CACNA2D1: variants seen among roughly 807,000 people sequenced by gnomAD.
The protein encoded by CACNA2D1 is calcium voltage-gated channel auxiliary subunit alpha2delta 1.
CACNA2D1 carries 53 observed loss-of-function variants against 171.5 expected under a neutral mutation model. The observed-to-expected ratio is 0.31, with a 90% CI of 0.25 to 0.39. The LOEUF is 0.39. CACNA2D1 is among the 10% of genes least tolerant of loss of function. CACNA2D1 has a pLI of 1.00. For missense variants in CACNA2D1, 903 were observed against 1,299.8 expected, an observed-to-expected ratio of 0.69 and a Z score of 4.69; for synonymous variants, 442 against 443.1, an observed-to-expected ratio of 1.00 and a Z score of 0.03.
At chr7:82,128,214 A>C (rs1323057713) in intron 5 of CACNA2D1, among the ~76,000 whole-genome samples, 2 of 151,906 alleles carry the variant, frequency 1.3e-5, no homozygotes, top group African/African-American at 2.4e-5. Flanking sequence ...ACAGGTGTGC[A>C]CCACAACGCC....
intron 3 of CACNA2D1, among the ~76,000 whole-genome samples, chr7:82,217,390 C>CATATATATATATATATATATATATATAT (rs1199331212): frequency 1.8e-5 from 1 of 54,446 alleles, no homozygotes; most frequent in Non-Finnish European, 3.0e-5. Flanking sequence ...CACACACACA[C>CATATATATATATATATATATATATATAT]ATACATATAT....
chr7:82,194,787 C>A (rs542845227), intron 3 of CACNA2D1, among the ~76,000 whole-genome samples: 133 of 151,836 alleles, frequency 8.8e-4, no homozygotes, highest in African/African-American at 3.1e-3. Flanking sequence ...GGAAAACCTA[C>A]GATAAGAAAT....
chr7:82,083,006 C>A (rs1809988804), intron 7 of CACNA2D1, among the ~76,000 whole-genome samples: 1 of 151,768 alleles, frequency 6.6e-6, no homozygotes, highest in Admixed American at 6.6e-5. Flanking sequence ...CCCATGTTTT[C>A]TCTCCCATTT....
intron 18 of CACNA2D1, among the ~76,000 whole-genome samples, chr7:82,000,423 G>A (rs954819971): frequency 6.6e-6 from 1 of 152,060 alleles, no homozygotes; most frequent in African/African-American, 2.4e-5. Flanking sequence ...CTAGTGACTA[G>A]TTCAATTCTC....
chr7:82,129,214 C>A (rs1028517871), intron 5 of CACNA2D1, among the ~76,000 whole-genome samples: 1 of 152,166 alleles, frequency 6.6e-6, no homozygotes, highest in Non-Finnish European at 1.5e-5. Context: ...TATCCTTGAG[C>A]AAGTTTTTGG....
intron 5 of CACNA2D1, among the ~76,000 whole-genome samples, chr7:82,120,545 T>C (rs770094622): frequency 2.6e-5 from 4 of 152,098 alleles, no homozygotes; most frequent in African/African-American, 4.8e-5. Context: ...CTGAATATTC[T>C]GGCATACTGG....
chr7:82,282,147 A>C (rs1195131810), intron 3 of CACNA2D1, among the ~76,000 whole-genome samples: 1 of 151,874 alleles, frequency 6.6e-6, no homozygotes, highest in African/African-American at 2.4e-5. Flanking sequence ...AAATACAAAA[A>C]GTTAGCTGGA....
Position 82,158,689 on chromosome 7 carries a change from T to C in CACNA2D1, c.354+11861A>G, listed in dbSNP as rs1584952594. ...TACTGGAAACAATATTAGTCCTATTTTATTGATGAGGAAACTGTGGCTTAG... is the reference window on the plus strand; with the variant it reads ...TACTGGAAACAATATTAGTCCTATTCTATTGATGAGGAAACTGTGGCTTAG... On this transcript the variant is annotated intron_variant, in intron 4 of 38. Transcript: ENST00000356860. Among the ~76,000 whole-genome samples, 3 of 151,986 alleles carry C rather than the reference T, an allele frequency of 2.0e-5. No individual in the cohort carries two copies. The South Asian group carries it at 6.2e-4, about 32-fold the overall frequency.
At chr7:82,011,449 G>A (rs1254866379) in intron 15 of CACNA2D1, among the ~76,000 whole-genome samples, 1 of 152,092 alleles carries the variant, frequency 6.6e-6, no homozygotes, top group African/African-American at 2.4e-5. Flanking sequence ...CAAATGAACT[G>A]TGAGGGGCAA....
In CACNA2D1 at chr7:81,962,013, C is replaced by T. The variant is rs139597562; in HGVS notation, c.2847G>A (p.Glu949=). The change falls in exon 36 of 39, where the codon GAG becomes GAA. Residue 949 remains glutamate (E), a synonymous_variant. Transcript: ENST00000356860. ...ACAGGGAGGCCGTGAAGTCATCATC[C>T]TCCATCTCAACTTGGGTGGCGGGGG... ...FPRLLEAVEM[E]DDDFTASLSK... The T allele has an allele frequency of 2.5e-5, 41 of 1,612,254 alleles. No individual in the cohort carries two copies. Among genetic ancestry groups the T allele is most frequent in the Non-Finnish European group, 3.5e-5 (41 of 1,179,062 alleles).
At chr7:82,304,621 A>T (rs1813481287) in intron 3 of CACNA2D1, among the ~76,000 whole-genome samples, 1 of 152,194 alleles carries the variant, frequency 6.6e-6, no homozygotes, top group Non-Finnish European at 1.5e-5. Context: ...CAAATATCAC[A>T]TGTTCTCATT....
chr7:81,999,808 CA>C (rs1291196121), intron 18 of CACNA2D1, among the ~76,000 whole-genome samples: 2 of 152,072 alleles, frequency 1.3e-5, no homozygotes, highest in Non-Finnish European at 2.9e-5. Flanking sequence ...AAGGCATAAA[CA>C]TAATTTTAAA....
chr7:82,147,072 A>G (rs1793231736), intron 4 of CACNA2D1, among the ~76,000 whole-genome samples: 1 of 151,156 alleles, frequency 6.6e-6, no homozygotes, highest in Admixed American at 6.6e-5. Flanking sequence ...ACCTGCACAC[A>G]TACACATAAT....
intron 2 of CACNA2D1, among the ~76,000 whole-genome samples, chr7:82,344,236 C>A (rs935167641): frequency 6.6e-6 from 1 of 152,078 alleles, no homozygotes; most frequent in Non-Finnish European, 1.5e-5. Flanking sequence ...CCATCCCATG[C>A]CCTGAGTTAT....
chr7:82,199,606 G>T (rs2129202524), intron 3 of CACNA2D1, among the ~76,000 whole-genome samples: 1 of 151,942 alleles, frequency 6.6e-6, no homozygotes, highest in East Asian at 1.9e-4. Flanking sequence ...ATTAGAAATT[G>T]ATTAACTTTT....
At chr7:82,210,984 A>G (rs1800489947) in intron 3 of CACNA2D1, among the ~76,000 whole-genome samples, 2 of 152,180 alleles carry the variant, frequency 1.3e-5, no homozygotes. Flanking sequence ...CTGTGTTAAG[A>G]GCTTTAAAAG....
intron 12 of CACNA2D1, among the ~76,000 whole-genome samples, chr7:82,027,263 G>T (rs964270615): frequency 1.3e-5 from 2 of 151,662 alleles, no homozygotes; most frequent in Non-Finnish European, 3.0e-5. Flanking sequence ...ATGATGTAAT[G>T]TGATTGCATG....
rs71093365 is a variant in CACNA2D1 at position 82,174,042 on chromosome 7, CAAAAAAAAAAAAAAAA to C, written c.295-3449_295-3434del. ...TGAGCTATAGTGCAAGACCCTGTCT[CAAAAAAAAAAAAAAAA>C]AAAAAAAAAAGACACAAAATACCCA... On this transcript the variant is annotated intron_variant, in intron 3 of 38. Transcript: ENST00000356860. 1.8e-4 allele frequency among the ~76,000 whole-genome samples: 8 copies of C among 45,644 alleles called. No individual in the cohort carries two copies. The South Asian group carries it at 3.5e-3, about 20-fold the overall frequency. 29.9% of individuals were successfully genotyped at this position (45,644 alleles called of 152,430 possible). A position where few individuals can be genotyped will look rare whatever the true frequency, so the allele number is the denominator to read the frequency against.
chr7:82,359,604 A>G (rs1820856021), intron 1 of CACNA2D1, among the ~76,000 whole-genome samples: 1 of 152,096 alleles, frequency 6.6e-6, no homozygotes, highest in Non-Finnish European at 1.5e-5. Context: ...GCTACTGAAA[A>G]TCACCCAAGT....
Sources: allele counts gnomAD v4.1 joint callset (sites outside exome capture counted in the v4.1 genomes callset), GRCh38; gene constraint gnomAD v4.1.1; transcripts MANE v1.5; gene names NCBI Gene and HGNC (gene_info 2026-07-23, HGNC 2026-07-21).